Variants in LMBRD1 observed in about 807,000 individuals in gnomAD.
LMBRD1 encodes the protein lysosomal cobalamin transport escort protein LMBD1.
Under a neutral mutation model 74.8 loss-of-function variants are expected in LMBRD1, and 64 were observed. The observed-to-expected ratio is 0.86, with a 90% CI of 0.70 to 1.05. The LOEUF is 1.05. LMBRD1 is among the 50% of genes least tolerant of loss of function. The pLI, the probability that LMBRD1 is intolerant of heterozygous loss-of-function variation, is 0.00. For missense variants in LMBRD1, 652 were observed against 645.9 expected, an observed-to-expected ratio of 1.01 and a Z score of -0.10; for synonymous variants, 204 against 216.3, an observed-to-expected ratio of 0.94 and a Z score of 0.50.
chr6:69,706,119 G>T, intron 9 of LMBRD1: 1 of 586,846 alleles, frequency 1.7e-6, no homozygotes, highest in Non-Finnish European at 3.2e-6. Flanking sequence ...GATAGTTCCA[G>T]GGCCTCCGGG....
At chr6:69,766,346 T>G (rs1354858557) in intron 3 of LMBRD1, among the ~76,000 whole-genome samples, 1 of 151,938 alleles carries the variant, frequency 6.6e-6, no homozygotes, top group Non-Finnish European at 1.5e-5. Flanking sequence ...CCTCTGTAAC[T>G]ATTTTGCTGA....
At chr6:69,737,689 A>T (rs1176787804) in intron 7 of LMBRD1, among the ~76,000 whole-genome samples, 4 of 151,398 alleles carry the variant, frequency 2.6e-5, no homozygotes, top group Non-Finnish European at 4.4e-5. Flanking sequence ...ATAAGCATAG[A>T]TTATTATAAC....
At chr6:69,730,773 T>TAATG (rs1440236556) in intron 7 of LMBRD1, among the ~76,000 whole-genome samples, 1 of 152,104 alleles carries the variant, frequency 6.6e-6, no homozygotes, top group East Asian at 1.9e-4. Context: ...TTCATTAGAA[T>TAATG]AATGGGCATA....
At chr6:69,776,331 T>C (rs1372619618) in intron 3 of LMBRD1, among the ~76,000 whole-genome samples, 5 of 152,338 alleles carry the variant, frequency 3.3e-5, no homozygotes, top group African/African-American at 7.2e-5. Flanking sequence ...AAAACTTCTT[T>C]AGGAGTTTTA....
At chr6:69,779,491 T>G (rs1346671652) in intron 3 of LMBRD1, among the ~76,000 whole-genome samples, 1 of 152,276 alleles carries the variant, frequency 6.6e-6, no homozygotes, top group Non-Finnish European at 1.5e-5. Flanking sequence ...CAAGCAACCA[T>G]AAGTCTGGGA....
At chr6:69,698,914 C>A in intron 13 of LMBRD1, 129 bp downstream of exon 13, 26 of 644,512 alleles carry the variant, frequency 4.0e-5, no homozygotes, top group Middle Eastern at 4.3e-4. Flanking sequence ...AATAAAAAAC[C>A]AGTTTTAGCA....
At chr6:69,679,612 G>A (rs1765620369) in intron 14 of LMBRD1, among the ~76,000 whole-genome samples, 1 of 152,028 alleles carries the variant, frequency 6.6e-6, no homozygotes, top group Non-Finnish European at 1.5e-5. Context: ...AAGATTCCAA[G>A]GGTATAAAAA....
chr6:69,695,882 C>T (rs542524933), intron 14 of LMBRD1, among the ~76,000 whole-genome samples: 26 of 148,030 alleles, frequency 1.8e-4, no homozygotes, highest in African/African-American at 4.5e-4. Context: ...CTTGCCCTGT[C>T]GCCTGGGTCA....
intron 14 of LMBRD1, among the ~76,000 whole-genome samples, chr6:69,687,130 GCTTGC>G (rs1765780041): frequency 6.6e-6 from 1 of 152,106 alleles, no homozygotes; most frequent in East Asian, 1.9e-4. Flanking sequence ...AAAATTATCT[GCTTGC>G]TATTCCTCTA....
chr6:69,690,597 TAAA>T (rs958855148), intron 14 of LMBRD1, among the ~76,000 whole-genome samples: 1 of 152,042 alleles, frequency 6.6e-6, no homozygotes, highest in African/African-American at 2.4e-5. Context: ...AAATATAAGA[TAAA>T]AAAACCCCAA....
intron 3 of LMBRD1, among the ~76,000 whole-genome samples, chr6:69,770,106 C>T (rs1763264107): frequency 6.6e-6 from 1 of 152,144 alleles, no homozygotes; most frequent in African/African-American, 2.4e-5. Flanking sequence ...ATGCTTGTCC[C>T]AATTATGACC....
chr6:69,703,417 T>G (rs1562091102), intron 9 of LMBRD1, among the ~76,000 whole-genome samples: 2 of 150,182 alleles, frequency 1.3e-5, no homozygotes, highest in African/African-American at 5.0e-5. Flanking sequence ...GAAACAGCAT[T>G]TGAAGTTAAG....
chr6:69,741,485 A>C (rs1428058674), intron 6 of LMBRD1, among the ~76,000 whole-genome samples: 1 of 151,900 alleles, frequency 6.6e-6, no homozygotes, highest in African/African-American at 2.4e-5. Flanking sequence ...TCCCAGGTTC[A>C]ACCGATTCTC....
At chr6:69,725,336 T>A (rs1766705769) in intron 7 of LMBRD1, among the ~76,000 whole-genome samples, 1 of 79,100 alleles carries the variant, frequency 1.3e-5, no homozygotes, top group Non-Finnish European at 2.4e-5. Context: ...GCAATGACAA[T>A]CTTCACACAC....
intron 14 of LMBRD1, among the ~76,000 whole-genome samples, chr6:69,686,100 A>T (rs1765758575): frequency 6.6e-6 from 1 of 152,210 alleles, no homozygotes; most frequent in South Asian, 2.1e-4. Flanking sequence ...GTGGTAGTAT[A>T]AGAAATACTT....
chr6:69,785,390 T>C (rs562503366), intron 2 of LMBRD1, among the ~76,000 whole-genome samples: 7 of 152,240 alleles, frequency 4.6e-5, no homozygotes, highest in African/African-American at 1.7e-4. Flanking sequence ...AGCCCTAAGC[T>C]CTTCACAGAG....
chr6:69,793,722 T>C lies in LMBRD1; in HGVS notation c.69+3091A>G, dbSNP rs1373815033. Among the ~76,000 whole-genome samples, 34 of 145,550 alleles carry C rather than the reference T, an allele frequency of 2.3e-4. No homozygotes were observed. The South Asian group carries it at 7.1e-3, about 31-fold the overall frequency. ...GGCAACATTCATGTCCTGAATCTTT[T>C]TTTTTTTTTTTTTTTTTTTGAGACG... On this transcript the variant is annotated intron_variant, in intron 1 of 15. Transcript: ENST00000649934.
intron 3 of LMBRD1, among the ~76,000 whole-genome samples, chr6:69,755,473 C>G (rs1343791843): frequency 6.6e-6 from 1 of 151,656 alleles, no homozygotes; most frequent in East Asian, 1.9e-4. Flanking sequence ...GGACAAATAC[C>G]TAATGCATGC....
At chr6:69,793,697 G>A (rs1446434450) in intron 1 of LMBRD1, among the ~76,000 whole-genome samples, 2 of 150,926 alleles carry the variant, frequency 1.3e-5, no homozygotes, top group Admixed American at 6.6e-5. Flanking sequence ...CACAAAAGTA[G>A]GCAACATTCA....
Sources: gnomAD v4.1 joint callset for allele counts (sites outside exome capture counted in the v4.1 genomes callset) on GRCh38, gnomAD v4.1.1 for gene constraint, MANE v1.5 for transcripts, NCBI Gene and HGNC (gene_info 2026-07-23, HGNC 2026-07-21) for gene names.